CBLC: variants seen among roughly 807,000 people sequenced by gnomAD.
CBLC encodes E3 ubiquitin-protein ligase CBL-C.
CBLC carries 46 observed loss-of-function variants against 58.6 expected under a neutral mutation model. The observed-to-expected ratio is 0.79, with a 90% CI of 0.62 to 1.00. CBLC has a LOEUF of 1.00. Among genes scored for constraint, CBLC ranks in the 50% least tolerant of loss-of-function variants. The pLI is 0.00. For missense variants in CBLC, 655 were observed against 625.8 expected (o/e 1.05, Z -0.50); for synonymous variants, 271 against 264.2 (o/e 1.03, Z -0.25).
rs58171575 is a variant in CBLC, at chr19:44,784,950, GTTTTTTTTTTTTTTTTTTT to G, written c.917+570_917+588del. Among the ~76,000 whole-genome samples the G allele has an allele frequency of 2.2e-3, 77 of 34,370 alleles. 1 individual carries two copies. The highest frequency in any genetic ancestry group is 4.8e-3 in the African/African-American group (56 of 11,750). The allele number at this position is 34,370 out of a possible 152,430, so 22.5% of individuals were successfully genotyped here. A position where few individuals can be genotyped will look rare whatever the true frequency, so the allele number is the denominator to read the frequency against. On this transcript the variant is annotated intron_variant, in intron 5 of 10. Transcript: ENST00000647358. ...GAACTGGAGAACTTGCTAGACAGGT[GTTTTTTTTTTTTTTTTTTT>G]TTTTTTTTTTTTTTTTTTTTGAGAC...
chr19:44,792,589 T>A, intron 7 of CBLC, 75 bp downstream of exon 7: 1 of 1,403,390 alleles, frequency 7.1e-7, no homozygotes, highest in Non-Finnish European at 9.4e-7. Flanking sequence ...AGGATCTCCA[T>A]GCCTCATTGA....
At position 44,794,137 on chromosome 19, in the gene CBLC, G is replaced by A. The variant is rs949490507; in HGVS notation, c.1285-67G>A. ...TGCCTGAATGCTGAGTCCCAGGCAG[G>A]AGAACATGGAGGCGAGAAGAAAATG... On this transcript the variant is annotated intron_variant, in intron 8 of 10. Coordinates refer to ENST00000647358, the MANE Select transcript of CBLC (RefSeq NM_012116.4). 5.1e-6 allele frequency: 8 copies of A among 1,555,592 alleles called. No homozygotes were observed. The African/African-American group carries it at 9.7e-5, about 19-fold the overall frequency.
chr19:44,792,628 G>A, intron 7 of CBLC, 114 bp downstream of exon 7: 2 of 1,162,458 alleles, frequency 1.7e-6, no homozygotes, highest in East Asian at 2.8e-5. Flanking sequence ...GGCCAGAGAG[G>A]GCAAAGAGCT....
At position 44,792,438 on chromosome 19, in the gene CBLC, G is replaced by GT. The variant is rs1324609801; in HGVS notation, c.1062dup (p.Ala355CysfsTer2). On this transcript the variant is annotated frameshift_variant, in exon 7 of 11. Coordinates refer to ENST00000647358, the MANE Select transcript of CBLC (RefSeq NM_012116.4). LOFTEE classifies it high-confidence loss of function. ...TCCACATTTGAGCTCTGCAAGATCT[G>GT]TGCTGAGAGCAACAAGGATGTGAAG... 1 of 1,613,552 alleles carries GT rather than the reference G, an allele frequency of 6.2e-7. No individual in the cohort carries two copies. Among genetic ancestry groups the GT allele is most frequent in the South Asian group, 1.1e-5 (1 of 91,074 alleles).
rs1226540961 is a variant in CBLC at position 44,782,455 on chromosome 19, A to C, written c.743A>C (p.Gln248Pro). ...GCCTTCCTCACCTATGATGAGGTCC[A>C]AGAGCGTCTGCAGGCCTGCAGGGAC... ...YMAFLTYDEV[Q>P]ERLQACRDKP... The change falls in exon 4 of 11, where the codon CAA (glutamine) becomes CCA (proline). Residue 248 changes from glutamine (Q) to proline (P), a missense_variant. Gln to Pro is a moderately conservative substitution (Grantham distance 76, BLOSUM62 -1). Transcript: ENST00000647358. 1 of 1,613,788 alleles carries C rather than the reference A, an allele frequency of 6.2e-7. No individual in the cohort carries two copies. The highest frequency in any genetic ancestry group is 1.1e-5 in the South Asian group (1 of 91,082).
intron 7 of CBLC, 88 bp downstream of exon 7, chr19:44,792,602 A>T: frequency 7.4e-7 from 1 of 1,347,144 alleles, no homozygotes; most frequent in Non-Finnish European, 9.8e-7. Context: ...CTCATTGATC[A>T]TATGGGGAAA....
intron 5 of CBLC, among the ~76,000 whole-genome samples, chr19:44,786,486 T>G (rs1282383346): frequency 6.7e-6 from 1 of 150,156 alleles, no homozygotes; most frequent in Admixed American, 6.6e-5. Context: ...TCCCAGCTAC[T>G]CAGGAGGCTG....
In CBLC at chr19:44,780,948, G is replaced by A. The variant is rs199953740; in HGVS notation, c.397G>A (p.Ala133Thr). 118 of 1,613,326 alleles carry A rather than the reference G, an allele frequency of 7.3e-5. No individual in the cohort carries two copies. The highest frequency in any genetic ancestry group is 9.3e-5 in the Non-Finnish European group (110 of 1,179,990). ...KLAIIFSHMHAELHALFPGGK... is the reference protein window; with the variant it reads ...KLAIIFSHMHTELHALFPGGK... ...GGCCATCATCTTCAGCCACATGCAC[G>A]CAGAGCTGCACGCACTCTTCCCCGG... is the stretch of plus-strand genomic sequence containing the variant. The change falls in exon 2 of 11, where the codon GCA (alanine) becomes ACA (threonine). Residue 133 changes from alanine to threonine, a missense_variant. Physicochemically the swap from Ala to Thr is moderately conservative, Grantham distance 58 (BLOSUM62 0). Around this residue, in one of 3 missense-constraint regions of CBLC, gnomAD observed 280 missense variants for 237.2 expected, o/e 1.18. Coordinates refer to ENST00000647358, the MANE Select transcript of CBLC (RefSeq NM_012116.4).
At position 44,782,410 on chromosome 19, in the gene CBLC, T is replaced by A; in HGVS notation, c.698T>A (p.Val233Asp). The change falls in exon 4 of 11, where the codon GTC becomes GAC. Residue 233 changes from valine (V) to aspartate (D), a missense_variant. Transcript: ENST00000647358. ...CTCAAGAACTGGCAGCTCCTGGCAG[T>A]CAACCACCCAGGCTACATGGCCTTC... ...TLLKNWQLLAVNHPGYMAFLT... is the reference protein window; with the variant it reads ...TLLKNWQLLADNHPGYMAFLT... 6.2e-7 allele frequency: 1 copy of A among 1,613,684 alleles called. No individual in the cohort carries two copies. The highest frequency in any genetic ancestry group is 1.1e-5 in the South Asian group (1 of 91,078).
chr19:44,786,437 CA>C (rs1023299012), intron 5 of CBLC, among the ~76,000 whole-genome samples: 3 of 149,318 alleles, frequency 2.0e-5, no homozygotes, highest in Admixed American at 6.7e-5. Flanking sequence ...TAAAAACACA[CA>C]AAAAAAATTA....
rs1228231503 is a variant in CBLC, at chr19:44,778,059, C to CGCTGCGGG, written c.129_136dup (p.Asp46GlyfsTer236). ...CCCCGGCTGTCCGTGAGTCCCCCTT[C>CGCTGCGGG]GCTGCGGGACCTGCTGCCCCGCACA... On this transcript the variant is annotated frameshift_variant, in exon 1 of 11. Coordinates refer to ENST00000647358, the MANE Select transcript of CBLC (RefSeq NM_012116.4). LOFTEE classifies it high-confidence loss of function. 6.2e-7 allele frequency: 1 copy of CGCTGCGGG among 1,608,958 alleles called. No homozygotes were observed. The highest frequency in any genetic ancestry group is 2.2e-5 in the East Asian group (1 of 44,846).
chr19:44,789,993 C>T lies in CBLC; in HGVS notation c.918-11C>T, dbSNP rs764967242. 1.2e-6 allele frequency: 2 copies of T among 1,607,012 alleles called. No individual in the cohort carries two copies. Among genetic ancestry groups the T allele is most frequent in the Non-Finnish European group, 1.7e-6 (2 of 1,173,648 alleles). The stretch of plus-strand genomic sequence containing the variant: ...ATGGCCCCCCAGTCCCCCTCTCTTC[C>T]CTTCCCCCAGCTACCTCTACCCAGA... On this transcript the variant is annotated splice_polypyrimidine_tract_variant and intron_variant, in intron 5 of 10. Coordinates refer to ENST00000647358, the MANE Select transcript of CBLC (RefSeq NM_012116.4).
chr19:44,782,675 G>A (rs1967782493), intron 4 of CBLC, among the ~76,000 whole-genome samples, 184 bp downstream of exon 4: 3 of 152,098 alleles, frequency 2.0e-5, no homozygotes, highest in Admixed American at 1.3e-4. Flanking sequence ...TTCTCTCGAG[G>A]CCTCCTGTAC....
At chr19:44,782,825 C>A (rs910417891) in intron 4 of CBLC, among the ~76,000 whole-genome samples, 1 of 152,134 alleles carries the variant, frequency 6.6e-6, no homozygotes, top group Non-Finnish European at 1.5e-5. Flanking sequence ...AATTTCCCAC[C>A]TGTTGGCATA....
At chr19:44,798,547 C>G (rs1013312707) in intron 9 of CBLC, among the ~76,000 whole-genome samples, 1 of 152,080 alleles carries the variant, frequency 6.6e-6, no homozygotes, top group Non-Finnish European at 1.5e-5. Context: ...AACCCCGTCT[C>G]TACTAAAAAA....
At chr19:44,787,348 C>T (rs1053071946) in intron 5 of CBLC, among the ~76,000 whole-genome samples, 10 of 152,002 alleles carry the variant, frequency 6.6e-5, no homozygotes, top group African/African-American at 2.4e-4. Flanking sequence ...GAGCCGAGAT[C>T]GCGCCACTGT....
rs541721336 is a variant in CBLC at position 44,778,107 on chromosome 19, C to T, written c.176C>T (p.Ala59Val). Residue 59 changes from alanine (A) to valine (V), a missense_variant, in exon 1 of 11, where the codon GCC (alanine) becomes GTC (valine). By Grantham distance (64) the Ala-to-Val change is moderately conservative. Transcript: ENST00000647358. ...ACAGCGCAGCTGCTTCGAGAGGTGG[C>T]CCATTCTCGGCGGGCGGCCGGCGGA... ...PRTAQLLREV[A>V]HSRRAAGGGG... 1 of 1,603,988 alleles carries T rather than the reference C, an allele frequency of 6.2e-7. No homozygotes were observed. The highest frequency in any genetic ancestry group is 1.7e-5 in the Admixed American group (1 of 59,134).
At chr19:44,790,539 G>A (rs1164919719) in intron 6 of CBLC, among the ~76,000 whole-genome samples, 1 of 152,006 alleles carries the variant, frequency 6.6e-6, no homozygotes, top group African/African-American at 2.4e-5. Flanking sequence ...GGCTCAAGCA[G>A]GCCTCCCACC....
rs2098979082 is a variant in CBLC at position 44,777,955 on chromosome 19, G to A, written c.24G>A (p.Trp8Ter). MALAVAP[W>*]GRQWEEARAL... ...CCATGGCTCTGGCGGTGGCCCCGTG[G>A]GGGCGACAGTGGGAAGAGGCCCGCG... The change falls in exon 1 of 11, where the codon TGG (tryptophan) becomes TGA (stop). Residue 8 changes from tryptophan (W) to a stop codon, truncating the protein, a stop_gained. Coordinates refer to ENST00000647358, the MANE Select transcript of CBLC (RefSeq NM_012116.4). LOFTEE classifies it high-confidence loss of function. The A allele has an allele frequency of 1.3e-6, 2 of 1,599,990 alleles. No individual in the cohort carries two copies. Among genetic ancestry groups the A allele is most frequent in the African/African-American group, 2.7e-5 (2 of 74,398 alleles).
Sources: allele counts gnomAD v4.1 joint callset (sites outside exome capture counted in the v4.1 genomes callset), GRCh38; gene constraint gnomAD v4.1.1; regional missense constraint gnomAD v4.1.1; transcripts MANE v1.5; gene names NCBI Gene and HGNC (gene_info 2026-07-23, HGNC 2026-07-21).